RARS2: variants seen among roughly 807,000 people sequenced by gnomAD.
RARS2 encodes probable arginine--tRNA ligase, mitochondrial.
RARS2 carries 67 observed loss-of-function variants against 88.5 expected under a neutral mutation model. That is an observed-to-expected ratio of 0.76 (90% CI 0.62 to 0.93). The LOEUF (loss-of-function observed/expected upper bound fraction) is 0.93, where lower values mean the gene tolerates loss of function less well. RARS2 is among the 40% of genes least tolerant of loss of function. The probability of loss-of-function intolerance (pLI) is 0.00; values close to 1 mark genes in which losing one functional copy is unlikely to be tolerated. For missense variants in RARS2, 664 were observed against 684.2 expected, an observed-to-expected ratio of 0.97 and a Z score of 0.33; for synonymous variants, 239 against 230.3, an observed-to-expected ratio of 1.04 and a Z score of -0.34.
At chr6:87,566,849 C>CAA (rs36032606) in intron 2 of RARS2, among the ~76,000 whole-genome samples, 22,779 of 59,782 alleles carry the variant, frequency 0.38, 4,490 homozygotes, top group East Asian at 0.45. Flanking sequence ...GGTCCTGTCT[C>CAA]AAAAAAAAAA....
chr6:87,565,708 C>A (rs1451712602), intron 2 of RARS2, among the ~76,000 whole-genome samples: 1 of 152,066 alleles, frequency 6.6e-6, no homozygotes, highest in Non-Finnish European at 1.5e-5. Context: ...TTTTTTTAAT[C>A]AACATATAAG....
intron 18 of RARS2, 142 bp downstream of exon 18, chr6:87,516,664 A>T: frequency 8.2e-7 from 1 of 1,212,524 alleles, no homozygotes; most frequent in Non-Finnish European, 1.1e-6. Context: ...ATTAACTGCT[A>T]ATTTGTATAG....
chr6:87,537,884 G>A (rs895780210), intron 8 of RARS2, among the ~76,000 whole-genome samples: 1 of 152,122 alleles, frequency 6.6e-6, no homozygotes, highest in African/African-American at 2.4e-5. Context: ...CAGAAATAAC[G>A]ATGGGGCAGA....
chr6:87,542,356 G>A (rs1781271496), intron 7 of RARS2, among the ~76,000 whole-genome samples: 1 of 152,120 alleles, frequency 6.6e-6, no homozygotes, highest in African/African-American at 2.4e-5. Context: ...CTGTTGAAGT[G>A]ACATCATGAA....
intron 1 of RARS2, among the ~76,000 whole-genome samples, chr6:87,573,518 T>A (rs1770443418): frequency 6.6e-6 from 1 of 152,136 alleles, no homozygotes; most frequent in Admixed American, 6.5e-5. Flanking sequence ...GGGGTGAATG[T>A]GGAGTTATTG....
At chr6:87,528,086 A>T (rs1447299164) in intron 10 of RARS2, among the ~76,000 whole-genome samples, 2 of 152,068 alleles carry the variant, frequency 1.3e-5, no homozygotes, top group Non-Finnish European at 2.9e-5. Flanking sequence ...AAAGTGGGCC[A>T]AAGACCCGTA....
At chr6:87,584,172 T>C (rs1361251652) in intron 1 of RARS2, among the ~76,000 whole-genome samples, 1 of 152,202 alleles carries the variant, frequency 6.6e-6, no homozygotes, top group Non-Finnish European at 1.5e-5. Context: ...ACAGCTTATA[T>C]AGAGGTATTA....
intron 3 of RARS2, among the ~76,000 whole-genome samples, chr6:87,563,246 T>A (rs1788417569): frequency 6.6e-6 from 1 of 152,208 alleles, no homozygotes. Context: ...TTTTAACCTA[T>A]TAGATGTTCG....
chr6:87,582,761 A>T (rs565868114), intron 1 of RARS2, among the ~76,000 whole-genome samples: 1 of 152,366 alleles, frequency 6.6e-6, no homozygotes, highest in African/African-American at 2.4e-5. Context: ...GACAACAATT[A>T]GACAACTAGT....
chr6:87,555,418 C>A lies in RARS2; in HGVS notation c.385G>T (p.Val129Phe). ...FSGLPQKKIV[V>F]EFSSPNVAKK... ...GGGGTGCACCCTCACCTGAATTCAA[C>A]CACAATCTTCTTCTGGGGAAGTCCA... is the stretch of plus-strand genomic sequence containing the variant. The change falls in exon 5 of 20, where the codon GTT becomes TTT. Residue 129 changes from valine to phenylalanine, a missense_variant. Physicochemically the swap from Val to Phe is conservative, Grantham distance 50 (BLOSUM62 -1). Coordinates refer to ENST00000369536, the MANE Select transcript of RARS2 (RefSeq NM_020320.5). The A allele has an allele frequency of 6.2e-7, 1 of 1,613,694 alleles. No individual in the cohort carries two copies. The highest frequency in any genetic ancestry group is 1.1e-5 in the South Asian group (1 of 91,066).
In RARS2 at chr6:87,539,727, C is replaced by T. The variant is rs533496379; in HGVS notation, c.612+2191G>A. 6.6e-5 allele frequency among the ~76,000 whole-genome samples: 10 copies of T among 152,268 alleles called. No homozygotes were observed. The East Asian group carries it at 1.4e-3, about 21-fold the overall frequency. Reference sequence around the variant, plus strand: ...CTGTCTCCTTTGTTCGGTATACTCTCGTGGCAAAACTGCTGGCGAGTGTAC... The same window carrying T: ...CTGTCTCCTTTGTTCGGTATACTCTTGTGGCAAAACTGCTGGCGAGTGTAC... On this transcript the variant is annotated intron_variant, in intron 8 of 19. Transcript: ENST00000369536.
rs1403257711 is a variant in RARS2 at position 87,589,915 on chromosome 6, T to G, written c.36+7A>C. ...AGGGACTCCTCTGCGCGCTCCGGGA[T>G]CCATACCTGGCAAGCAATAGCGCGG... On this transcript the variant is annotated splice_region_variant and intron_variant, in intron 1 of 19. Transcript: ENST00000369536. 1 of 1,614,116 alleles carries G rather than the reference T, an allele frequency of 6.2e-7. No individual in the cohort carries two copies. Among genetic ancestry groups the G allele is most frequent in the East Asian group, 2.2e-5 (1 of 44,876 alleles).
chr6:87,558,669 CAT>C (rs1293851561), intron 4 of RARS2, among the ~76,000 whole-genome samples: 1 of 152,196 alleles, frequency 6.6e-6, no homozygotes, highest in East Asian at 1.9e-4. Flanking sequence ...GCATTACTCA[CAT>C]GTTTGTGGTA....
intron 5 of RARS2, among the ~76,000 whole-genome samples, chr6:87,549,287 C>T (rs960573581): frequency 2.7e-5 from 4 of 150,820 alleles, no homozygotes; most frequent in Admixed American, 1.3e-4. Flanking sequence ...ACCTGGGAGG[C>T]GGAGGTTGCA....
chr6:87,555,374 G>C lies in RARS2; in HGVS notation c.395+34C>G. The C allele has an allele frequency of 2.6e-6, 4 of 1,533,338 alleles. No homozygotes were observed. In the East Asian group the frequency reaches 9.0e-5, roughly 35 times the overall value. The allele number at this position is 1,533,338 out of a possible 1,614,324, so 95.0% of individuals were successfully genotyped here. Reference sequence around the variant, plus strand: ...TAACACTCCTCTGCCCAGTCAACTTGATTAAGCAACACATAAAAGGGGTGC... The same window carrying C: ...TAACACTCCTCTGCCCAGTCAACTTCATTAAGCAACACATAAAAGGGGTGC... On this transcript the variant is annotated intron_variant, in intron 5 of 19. Transcript: ENST00000369536.
chr6:87,580,543 G>T (rs980224600), intron 1 of RARS2, among the ~76,000 whole-genome samples: 2 of 151,514 alleles, frequency 1.3e-5, no homozygotes, highest in Non-Finnish European at 2.9e-5. Context: ...GGGAGGTTGA[G>T]GCGGGTGGAT....
intron 5 of RARS2, among the ~76,000 whole-genome samples, chr6:87,551,868 A>G (rs1212242152): frequency 6.6e-6 from 1 of 152,116 alleles, no homozygotes; most frequent in African/African-American, 2.4e-5. Context: ...AAAGGCTACC[A>G]CTGCTTCCCA....
chr6:87,589,722 C>T, intron 1 of RARS2, 200 bp downstream of exon 1: 5 of 985,272 alleles, frequency 5.1e-6, no homozygotes, highest in Non-Finnish European at 6.0e-6. Flanking sequence ...TACTTTTCAC[C>T]GAGACAAACT....
intron 7 of RARS2, among the ~76,000 whole-genome samples, chr6:87,545,187 G>C (rs568797322): frequency 6.6e-6 from 1 of 152,278 alleles, no homozygotes; most frequent in South Asian, 2.1e-4. Context: ...GGGCTAACAC[G>C]ATCCTCTTAC....
Sources: gnomAD v4.1 joint callset for allele counts (sites outside exome capture counted in the v4.1 genomes callset) on GRCh38, gnomAD v4.1.1 for gene constraint, MANE v1.5 for transcripts, NCBI Gene and HGNC (gene_info 2026-07-23, HGNC 2026-07-21) for gene names.